The following AFF2 variants were observed in gnomAD, a reference collection of about 807,000 sequenced individuals.
AFF2 encodes the protein ALF transcription elongation factor 2, also known as AF4/FMR2 family member 2.
In AFF2, 14 loss-of-function variants were observed where a neutral mutation model predicts 76.9. The observed-to-expected ratio is 0.18, with a 90% CI of 0.12 to 0.28. The LOEUF (loss-of-function observed/expected upper bound fraction) is 0.28, where lower values mean the gene tolerates loss of function less well. Ranked by LOEUF, AFF2 falls within the 10% of genes least tolerant of loss-of-function variation. The pLI, the probability that AFF2 is intolerant of heterozygous loss-of-function variation, is 1.00. For missense variants in AFF2, 868 were observed against 1,001.1 expected, an observed-to-expected ratio of 0.87 and a Z score of 1.79; for synonymous variants, 398 against 366.7, an observed-to-expected ratio of 1.09 and a Z score of -0.98.
At chrX:148,949,044 A>T (rs782505742) in intron 9 of AFF2, among the ~76,000 whole-genome samples, 8 of 110,730 alleles carry the variant, frequency 7.2e-5, no homozygotes, top group Non-Finnish European at 1.5e-4. Flanking sequence ...GTTCAGAACA[A>T]GCCCACTCTT....
intron 3 of AFF2, among the ~76,000 whole-genome samples, chrX:148,749,922 C>T (rs1557266366): frequency 9.1e-6 from 1 of 109,958 alleles, no homozygotes; most frequent in African/African-American, 3.3e-5. Flanking sequence ...GCACTTTCTC[C>T]ACCATGATGC....
At chrX:148,757,040 T>C (rs1238407926) in intron 3 of AFF2, among the ~76,000 whole-genome samples, 1 of 112,487 alleles carries the variant, frequency 8.9e-6, no homozygotes, top group African/African-American at 3.2e-5. Flanking sequence ...AAATTCATTC[T>C]GATATATTTA....
At chrX:148,604,754 A>G (rs1267150114) in intron 1 of AFF2, among the ~76,000 whole-genome samples, 1 of 112,075 alleles carries the variant, frequency 8.9e-6, no homozygotes, top group Non-Finnish European at 1.9e-5. Flanking sequence ...AAAAAGAATA[A>G]CAAAGTACAC....
intron 3 of AFF2, among the ~76,000 whole-genome samples, chrX:148,676,879 G>A (rs782301860): frequency 9.0e-6 from 1 of 111,005 alleles, no homozygotes; most frequent in Non-Finnish European, 1.9e-5. Flanking sequence ...ACATGATGGG[G>A]AGTCTTTTAA....
At chrX:148,851,634 C>T (rs886248232) in intron 7 of AFF2, among the ~76,000 whole-genome samples, 1 of 111,769 alleles carries the variant, frequency 8.9e-6, no homozygotes, top group African/African-American at 3.3e-5. Flanking sequence ...ACTCTGACAG[C>T]TCCATTGCCT....
At chrX:148,862,234 A>G (rs1487780647) in intron 7 of AFF2, among the ~76,000 whole-genome samples, 2 of 110,067 alleles carry the variant, frequency 1.8e-5, no homozygotes, top group African/African-American at 6.7e-5. Flanking sequence ...TGCTAGTATT[A>G]TTGAAAATGC....
intron 2 of AFF2, 66 bp downstream of exon 2, chrX:148,652,197 A>G (rs1557256480): frequency 1.1e-6 from 1 of 870,994 alleles, no homozygotes; most frequent in African/African-American, 2.0e-5. Context: ...ATCAACATTT[A>G]ATTTATGTTT....
intron 1 of AFF2, among the ~76,000 whole-genome samples, chrX:148,625,081 A>G (rs782752772): frequency 1.8e-5 from 2 of 110,122 alleles, no homozygotes; most frequent in Non-Finnish European, 3.8e-5. Context: ...CCTTGTGTCT[A>G]TGAGGGACCT....
chrX:148,698,126 A>C (rs1224986990), intron 3 of AFF2, among the ~76,000 whole-genome samples: 1 of 112,306 alleles, frequency 8.9e-6, no homozygotes, highest in African/African-American at 3.2e-5. Context: ...GTGGATTTGT[A>C]TTGAACTTTG....
intron 13 of AFF2, among the ~76,000 whole-genome samples, chrX:148,963,953 C>CGAG (rs2124379614): frequency 8.9e-6 from 1 of 112,155 alleles, no homozygotes; most frequent in Admixed American, 9.4e-5. Flanking sequence ...CGTAGGTTCT[C>CGAG]AGCACATTTA....
At chrX:148,562,187 G>T (rs2053120829) in intron 1 of AFF2, among the ~76,000 whole-genome samples, 1 of 112,626 alleles carries the variant, frequency 8.9e-6, no homozygotes, top group African/African-American at 3.2e-5. Flanking sequence ...TGACTGGTCT[G>T]ACTGATTTCT....
chrX:148,876,271 T>C (rs2071034815), intron 7 of AFF2, among the ~76,000 whole-genome samples: 1 of 111,909 alleles, frequency 8.9e-6, no homozygotes, highest in African/African-American at 3.2e-5. Context: ...GTTCAAGGGA[T>C]TTGATCTGAG....
chrX:148,780,235 T>C (rs1435922349), intron 3 of AFF2, among the ~76,000 whole-genome samples: 1 of 111,703 alleles, frequency 9.0e-6, no homozygotes, highest in Non-Finnish European at 1.9e-5. Context: ...TTGGGGTTGC[T>C]CTTCTCAAGG....
At chrX:148,509,533 C>A (rs2052459673) in intron 1 of AFF2, among the ~76,000 whole-genome samples, 1 of 111,945 alleles carries the variant, frequency 8.9e-6, no homozygotes, top group Non-Finnish European at 1.9e-5. Flanking sequence ...AACATTTGTG[C>A]AAACATTCTT....
At chrX:148,656,587 C>T (rs1286455906) in intron 2 of AFF2, among the ~76,000 whole-genome samples, 2 of 100,718 alleles carry the variant, frequency 2.0e-5, no homozygotes, top group Non-Finnish European at 4.0e-5. Context: ...GCAAGCTCCG[C>T]CTCCCGGGTT....
intron 9 of AFF2, among the ~76,000 whole-genome samples, chrX:148,906,236 G>C (rs185961973): frequency 8.9e-6 from 1 of 111,891 alleles, no homozygotes; most frequent in African/African-American, 3.3e-5. Context: ...TATACATAGT[G>C]GTCCTTTTGC....
chrX:148,741,612 A>C (rs1412966531), intron 3 of AFF2, among the ~76,000 whole-genome samples: 4 of 110,923 alleles, frequency 3.6e-5, no homozygotes, highest in Non-Finnish European at 7.6e-5. Flanking sequence ...CCTGCCTGTG[A>C]AGTCTGCTTG....
chrX:148,980,663 C>T, intron 18 of AFF2, 75 bp from the exon 19 acceptor site: 6 of 856,768 alleles, frequency 7.0e-6, no homozygotes, highest in Non-Finnish European at 1.0e-5. Flanking sequence ...CTAAATCACA[C>T]TTCCATCTGT....
intron 1 of AFF2, chrX:148,547,499 T>A (rs2052935532): frequency 1.8e-5 from 2 of 112,316 alleles, no homozygotes; most frequent in Non-Finnish European, 3.8e-5. Context: ...TTTGGCTGGC[T>A]GCAGACAGGC....
Sources: gnomAD v4.1 joint callset for allele counts (sites outside exome capture counted in the v4.1 genomes callset) on GRCh38, gnomAD v4.1.1 for gene constraint, MANE v1.5 for transcripts, NCBI Gene and HGNC (gene_info 2026-07-23, HGNC 2026-07-21) for gene names.